SAP130: variants seen among roughly 807,000 people sequenced by gnomAD.
The protein encoded by SAP130 is histone deacetylase complex subunit SAP130.
SAP130 carries 16 observed loss-of-function variants against 103.2 expected under a neutral mutation model. That is an observed-to-expected ratio of 0.16 (90% confidence interval 0.10 to 0.24). The LOEUF is 0.24. Among genes scored for constraint, SAP130 ranks in the 10% least tolerant of loss-of-function variants. The pLI, the probability that SAP130 is intolerant of heterozygous loss-of-function variation, is 1.00. For missense variants in SAP130, 990 were observed against 1,359.7 expected (o/e 0.73, Z 4.28); for synonymous variants, 477 against 497.0 (o/e 0.96, Z 0.53).
chr2:127,944,901 CA>C (rs1188253573), intron 19 of SAP130, among the ~76,000 whole-genome samples: 30,866 of 77,898 alleles, frequency 0.4, 3,120 homozygotes, highest in South Asian at 0.58. Context: ...GACCTTGTCT[CA>C]AAAAAAAAAA....
chr2:127,960,968 A>C (rs916138980), intron 15 of SAP130, among the ~76,000 whole-genome samples: 8 of 151,876 alleles, frequency 5.3e-5, no homozygotes, highest in African/African-American at 1.9e-4. Flanking sequence ...ATAAGCAAAT[A>C]CAAATGTTTT....
intron 2 of SAP130, 50 bp downstream of exon 2, chr2:128,026,131 G>T: frequency 8.2e-7 from 1 of 1,220,118 alleles, no homozygotes; most frequent in Non-Finnish European, 1.2e-6. Flanking sequence ...TAGAAAACTG[G>T]TAATATTCTT....
intron 15 of SAP130, among the ~76,000 whole-genome samples, chr2:127,958,286 C>T (rs1224884100): frequency 1.3e-5 from 2 of 152,170 alleles, no homozygotes; most frequent in Non-Finnish European, 2.9e-5. Flanking sequence ...CAGTGGCGAG[C>T]GCCTGTAATC....
At position 127,953,603 on chromosome 2, in the gene SAP130, G is replaced by T. The variant is rs1679637558; in HGVS notation, c.2422+1383C>A. Among the ~76,000 whole-genome samples, 1 of 152,088 alleles carries T rather than the reference G, an allele frequency of 6.6e-6. No individual in the cohort carries two copies. Among genetic ancestry groups the T allele is most frequent in the Non-Finnish European group, 1.5e-5 (1 of 68,002 alleles). On this transcript the variant is annotated intron_variant, in intron 16 of 20. Coordinates refer to ENST00000643581, the MANE Select transcript of SAP130 (RefSeq NM_001330301.2). This position sits in a 1 kb window ranked among gnomAD's most constrained non-coding sequence, Gnocchi z 4.0. ...TGCCTGCCACTCCCCTTATTACTTA[G>T]CTCCAGCGACCTTTGGTTCTTTGCT... is the stretch of plus-strand genomic sequence containing the variant.
At chr2:127,968,873 C>T (rs1007235602) in intron 15 of SAP130, among the ~76,000 whole-genome samples, 4 of 152,124 alleles carry the variant, frequency 2.6e-5, no homozygotes, top group African/African-American at 9.7e-5. Context: ...TACGTCTAGA[C>T]CAGGCGTTGA....
At position 127,950,213 on chromosome 2, in the gene SAP130, T is replaced by A. The variant is rs147285473; in HGVS notation, c.2618A>T (p.Lys873Met). 1 of 1,614,218 alleles carries A rather than the reference T, an allele frequency of 6.2e-7. No homozygotes were observed. The highest frequency in any genetic ancestry group is 8.5e-7 in the Non-Finnish European group (1 of 1,180,030). The change falls in exon 17 of 21, where the codon AAG (lysine) becomes ATG (methionine). Residue 873 changes from lysine to methionine, a missense_variant. Physicochemically the swap from Lys to Met is moderately conservative, Grantham distance 95 (BLOSUM62 -1). Coordinates refer to ENST00000643581, the MANE Select transcript of SAP130 (RefSeq NM_001330301.2). Reference protein sequence around the residue: ...NSTDDEKSTAKSLLVKAEKRK... With the variant: ...NSTDDEKSTAMSLLVKAEKRK... ...CTTCTCAGCCTTCACCAGAAGACTC[T>A]TGGCAGTGGACTTCTCATCATCAGT...
At chr2:127,973,157 T>C (rs1407134449) in intron 15 of SAP130, among the ~76,000 whole-genome samples, 1 of 152,204 alleles carries the variant, frequency 6.6e-6, no homozygotes. Context: ...CTAAAGAACA[T>C]CTACCTGCTT....
Position 127,990,988 on chromosome 2 carries a change from C to T in SAP130, c.1478-1122G>A, listed in dbSNP as rs368865022. 3.7e-4 allele frequency among the ~76,000 whole-genome samples: 56 copies of T among 150,958 alleles called. 1 individual carries two copies. The South Asian group carries it at 6.7e-3, about 18-fold the overall frequency. ...GAAACAGGCCAGGCACGGTGGCTCACGCCTGTGATCCCAGCACTTTGGGAG... is the reference window on the plus strand; with the variant it reads ...GAAACAGGCCAGGCACGGTGGCTCATGCCTGTGATCCCAGCACTTTGGGAG... On this transcript the variant is annotated intron_variant, in intron 12 of 20. Transcript: ENST00000643581.
intron 12 of SAP130, among the ~76,000 whole-genome samples, chr2:127,991,148 A>C (rs1682768711): frequency 6.6e-6 from 1 of 151,952 alleles, no homozygotes; most frequent in Non-Finnish European, 1.5e-5. Flanking sequence ...CACTGGGGAC[A>C]GTGAAGCAGG....
intron 12 of SAP130, among the ~76,000 whole-genome samples, chr2:127,990,470 A>G (rs1682709372): frequency 1.3e-5 from 2 of 152,218 alleles, no homozygotes; most frequent in South Asian, 4.1e-4. Flanking sequence ...CTCAGTCATC[A>G]AAACAATCCA....
chr2:127,994,741 G>C (rs1486790089), intron 11 of SAP130, among the ~76,000 whole-genome samples: 1 of 152,294 alleles, frequency 6.6e-6, no homozygotes, highest in East Asian at 1.9e-4. Context: ...CTGGGCAACA[G>C]AGCAAGATCC....
intron 7 of SAP130, among the ~76,000 whole-genome samples, chr2:128,005,441 C>G (rs574956809): frequency 6.6e-6 from 1 of 151,704 alleles, no homozygotes; most frequent in East Asian, 2.0e-4. Context: ...ACATGGCAAA[C>G]CCCCATCTAC....
chr2:127,986,405 G>A lies in SAP130; in HGVS notation c.1958+380C>T, dbSNP rs1029879515. Among the ~76,000 whole-genome samples the A allele has an allele frequency of 2.0e-5, 3 of 152,164 alleles. No individual in the cohort carries two copies. The highest frequency in any genetic ancestry group is 6.5e-5 in the Admixed American group (1 of 15,276). The stretch of plus-strand genomic sequence containing the variant: ...CGAGGGGGACAAGGGAACTTTTCCC[G>A]TTTCAACAGCAACGATTCATGCTGA... On this transcript the variant is annotated intron_variant, in intron 14 of 20. Coordinates refer to ENST00000643581, the MANE Select transcript of SAP130 (RefSeq NM_001330301.2). The surrounding 1 kb of genome is among the most constrained non-coding windows in gnomAD (Gnocchi z 4.7).
Position 127,953,895 on chromosome 2 carries a change from C to T in SAP130, c.2422+1091G>A, listed in dbSNP as rs566700406. Among the ~76,000 whole-genome samples the T allele has an allele frequency of 6.6e-6, 1 of 152,262 alleles. No individual in the cohort carries two copies. The highest frequency in any genetic ancestry group is 2.4e-5 in the African/African-American group (1 of 41,558). The stretch of plus-strand genomic sequence containing the variant: ...AAACATATATATACATACATACATA[C>T]ATATATAATTTAGTCATCTTTTTGC... On this transcript the variant is annotated intron_variant, in intron 16 of 20. Coordinates refer to ENST00000643581, the MANE Select transcript of SAP130 (RefSeq NM_001330301.2). This position sits in a 1 kb window ranked among gnomAD's most constrained non-coding sequence, Gnocchi z 4.0.
At chr2:128,010,243 T>C in intron 7 of SAP130, 26 bp downstream of exon 7, 1 of 1,596,020 alleles carries the variant, frequency 6.3e-7, no homozygotes. Context: ...GCAGGAAGGT[T>C]CAAACTTCAT....
Position 128,028,018 on chromosome 2 carries a change from C to A in SAP130, c.-85G>T, listed in dbSNP as rs977849418. The stretch of plus-strand genomic sequence containing the variant: ...TCTCCGTCTGTGGGGCCGACGTCCC[C>A]AGGCTCCGGACCCGCAGCCACCGCC... On this transcript the variant is annotated 5_prime_UTR_variant, in exon 1 of 21. Coordinates refer to ENST00000643581, the MANE Select transcript of SAP130 (RefSeq NM_001330301.2). The A allele has an allele frequency of 1.1e-5, 11 of 983,458 alleles. 1 individual carries two copies. In the South Asian group the frequency reaches 2.8e-4, roughly 25 times the overall value. The allele number at this position is 983,458 out of a possible 1,614,324, so 60.9% of individuals were successfully genotyped here. A position where few individuals can be genotyped will look rare whatever the true frequency, so the allele number is the denominator to read the frequency against.
chr2:128,005,271 G>A (rs1195377776), intron 7 of SAP130, among the ~76,000 whole-genome samples: 1 of 152,150 alleles, frequency 6.6e-6, no homozygotes, highest in Non-Finnish European at 1.5e-5. Context: ...GCAGTCAAGG[G>A]CGGAGAAGAG....
chr2:127,942,705 G>C lies in SAP130; in HGVS notation c.2902-168C>G, dbSNP rs757103438. Among the ~76,000 whole-genome samples the C allele has an allele frequency of 2.0e-5, 3 of 152,192 alleles. No homozygotes were observed. The highest frequency in any genetic ancestry group is 4.4e-5 in the Non-Finnish European group (3 of 68,038). On this transcript the variant is annotated intron_variant, in intron 19 of 20. Coordinates refer to ENST00000643581, the MANE Select transcript of SAP130 (RefSeq NM_001330301.2). The surrounding 1 kb of genome is among the most constrained non-coding windows in gnomAD (Gnocchi z 4.8). ...GATACTAAGGTTTAAAAACAGTAAAGGGGCTGGGCGCGGTGGCTCACGCCT... is the reference window on the plus strand; with the variant it reads ...GATACTAAGGTTTAAAAACAGTAAACGGGCTGGGCGCGGTGGCTCACGCCT...
chr2:127,942,329 G>T lies in SAP130; in HGVS notation c.3015+95C>A, dbSNP rs1219711145. 11 of 1,079,470 alleles carry T rather than the reference G, an allele frequency of 1.0e-5. No individual in the cohort carries two copies. Among genetic ancestry groups the T allele is most frequent in the Non-Finnish European group, 1.5e-5 (11 of 711,646 alleles). 66.9% of individuals were successfully genotyped at this position (1,079,470 alleles called of 1,614,324 possible). A position where few individuals can be genotyped will look rare whatever the true frequency, so the allele number is the denominator to read the frequency against. On this transcript the variant is annotated intron_variant, in intron 20 of 20. Transcript: ENST00000643581. The surrounding 1 kb of genome is among the most constrained non-coding windows in gnomAD (Gnocchi z 4.8). ...CTGAAGCACGTATGTTTTTACTGAA[G>T]ATATGAGGGAGACGGGGGGAAACGG...
Sources: allele counts gnomAD v4.1 joint callset (sites outside exome capture counted in the v4.1 genomes callset), GRCh38; gene constraint gnomAD v4.1.1; non-coding constraint Gnocchi (gnomAD v3.1); transcripts MANE v1.5; gene names NCBI Gene and HGNC (gene_info 2026-07-23, HGNC 2026-07-21).